The following RARB variants were observed in gnomAD, a reference collection of about 807,000 sequenced individuals.
RARB encodes the protein retinoic acid receptor beta.
A neutral mutation model predicts 51.9 loss-of-function variants in RARB; 17 were observed. That is an observed-to-expected ratio of 0.33 (90% CI 0.22 to 0.49). The LOEUF (loss-of-function observed/expected upper bound fraction) is 0.49, where lower values mean the gene tolerates loss of function less well. Ranked by LOEUF, RARB falls within the 20% of genes least tolerant of loss-of-function variation. The probability of loss-of-function intolerance (pLI) is 0.99; values close to 1 mark genes in which losing one functional copy is unlikely to be tolerated. For synonymous variants in RARB, 215 were observed against 195.4 expected (o/e 1.10, Z -0.84); for missense variants, 369 against 550.8 (o/e 0.67, Z 3.30).
At chr3:25,198,989 T>C (rs1011346364) in intron 5 of RARB, among the ~76,000 whole-genome samples, 8 of 152,036 alleles carry the variant, frequency 5.3e-5, no homozygotes, top group Admixed American at 5.2e-4. Flanking sequence ...GATATCTGCA[T>C]TCTCATGTTT....
chr3:24,864,335 GTGT>G (rs1222889784), intron 2 of RARB, among the ~76,000 whole-genome samples: 1 of 152,160 alleles, frequency 6.6e-6, no homozygotes, highest in Middle Eastern at 3.2e-3. Flanking sequence ...TTGCCATTCA[GTGT>G]TGTTCCTTTG....
chr3:24,960,311 T>C (rs1478660911), intron 2 of RARB, among the ~76,000 whole-genome samples: 4 of 28,630 alleles, frequency 1.4e-4, no homozygotes, highest in African/African-American at 4.4e-4. Flanking sequence ...ATGTACTACC[T>C]GCTTAAAGTA....
At chr3:25,422,234 C>T (rs76679572) in intron 5 of RARB, among the ~76,000 whole-genome samples, 9,342 of 152,258 alleles carry the variant, frequency 0.061, 385 homozygotes, top group Admixed American at 0.1. Context: ...AATATTAACA[C>T]GAAATAATTG....
At chr3:25,271,866 A>T (rs1703264950) in intron 5 of RARB, among the ~76,000 whole-genome samples, 2 of 152,370 alleles carry the variant, frequency 1.3e-5, no homozygotes, top group African/African-American at 4.8e-5. Flanking sequence ...TGTATAGAGT[A>T]AGTAGGCAAC....
intron 5 of RARB, among the ~76,000 whole-genome samples, chr3:25,387,650 G>A (rs74333928): frequency 0.014 from 2,060 of 152,104 alleles, 55 homozygotes; most frequent in African/African-American, 0.047. Context: ...CTCTCAGCAG[G>A]CCCCTGTGAG....
At chr3:25,373,041 G>A (rs993646565) in intron 5 of RARB, among the ~76,000 whole-genome samples, 1 of 152,138 alleles carries the variant, frequency 6.6e-6, no homozygotes, top group African/African-American at 2.4e-5. Context: ...GAGCAAGGCT[G>A]GGTGGGAATG....
intron 4 of RARB, among the ~76,000 whole-genome samples, chr3:25,165,320 G>T (rs1328484837): frequency 3.3e-5 from 5 of 151,788 alleles, no homozygotes; most frequent in African/African-American, 1.2e-4. Flanking sequence ...CTGCCACCTT[G>T]CTTTTCTGTA....
chr3:25,571,504 G>A (rs1470862783), intron 4 of RARB, among the ~76,000 whole-genome samples: 1 of 152,176 alleles, frequency 6.6e-6, no homozygotes, highest in Non-Finnish European at 1.5e-5. Flanking sequence ...GGAGAGTCTC[G>A]GCTTAACCTC....
intron 2 of RARB, among the ~76,000 whole-genome samples, chr3:25,000,936 C>T (rs1030484232): frequency 7.2e-5 from 11 of 152,198 alleles, no homozygotes; most frequent in Middle Eastern, 3.4e-3. Context: ...GTAGTTTTCA[C>T]ATAGCAGTTG....
At chr3:25,013,963 G>T in intron 2 of RARB, among the ~76,000 whole-genome samples, 1 of 152,108 alleles carries the variant, frequency 6.6e-6, no homozygotes, top group East Asian at 1.9e-4. Context: ...GGATTGAGGT[G>T]TTTAATGTCA....
intron 1 of RARB, among the ~76,000 whole-genome samples, chr3:24,849,706 C>A (rs1702532844): frequency 6.6e-6 from 1 of 152,212 alleles, no homozygotes; most frequent in Non-Finnish European, 1.5e-5. Flanking sequence ...CTAAACAACA[C>A]TTCAGCATAT....
At chr3:25,471,077 T>C (rs1181003312) in intron 2 of RARB, among the ~76,000 whole-genome samples, 1 of 152,266 alleles carries the variant, frequency 6.6e-6, no homozygotes. Flanking sequence ...TCATACATTT[T>C]ATCTAATTAT....
intron 2 of RARB, among the ~76,000 whole-genome samples, chr3:24,933,660 A>G (rs1214130054): frequency 6.6e-6 from 1 of 152,108 alleles, no homozygotes; most frequent in Non-Finnish European, 1.5e-5. Context: ...AGAAAGAAAC[A>G]ATTGTTCTAG....
intron 2 of RARB, among the ~76,000 whole-genome samples, chr3:24,917,449 T>C (rs1695129723): frequency 6.6e-6 from 1 of 152,192 alleles, no homozygotes; most frequent in Non-Finnish European, 1.5e-5. Flanking sequence ...CACAACTCAG[T>C]GATGGACAAC....
intron 3 of RARB, among the ~76,000 whole-genome samples, chr3:25,115,760 C>G (rs1006159689): frequency 6.6e-6 from 1 of 151,838 alleles, no homozygotes; most frequent in African/African-American, 2.4e-5. Context: ...CTCCTGGGCT[C>G]AAACTACAGC....
At chr3:25,175,888 C>A (rs1700734716) in intron 5 of RARB, among the ~76,000 whole-genome samples, 1 of 152,124 alleles carries the variant, frequency 6.6e-6, no homozygotes, top group Non-Finnish European at 1.5e-5. Context: ...ATTGACTATC[C>A]AGAGAAATGG....
At chr3:24,969,931 G>C (rs1696357070) in intron 2 of RARB, among the ~76,000 whole-genome samples, 1 of 152,058 alleles carries the variant, frequency 6.6e-6, no homozygotes, top group African/African-American at 2.4e-5. Context: ...AGAGCTGTCA[G>C]TTTAATCTTA....
At chr3:25,443,339 T>C (rs1448986177) in intron 1 of RARB, among the ~76,000 whole-genome samples, 3 of 152,056 alleles carry the variant, frequency 2.0e-5, no homozygotes, top group African/African-American at 7.2e-5. Flanking sequence ...GGCACTTACT[T>C]TGAGGTCACA....
intron 1 of RARB, among the ~76,000 whole-genome samples, chr3:24,832,379 A>G (rs1043278196): frequency 6.6e-6 from 1 of 152,040 alleles, no homozygotes; most frequent in African/African-American, 2.4e-5. Context: ...AGGACTTTGT[A>G]TATATTTCAA....
Sources: allele counts gnomAD v4.1 joint callset (sites outside exome capture counted in the v4.1 genomes callset), GRCh38; gene constraint gnomAD v4.1.1; transcripts MANE v1.5; gene names NCBI Gene and HGNC (gene_info 2026-07-23, HGNC 2026-07-21).